The following PRRX1 variants were observed in gnomAD, a reference collection of about 807,000 sequenced individuals.
PRRX1 encodes the protein paired mesoderm homeobox protein 1.
In PRRX1, 8 loss-of-function variants were observed where a neutral mutation model predicts 24.0. The ratio of observed to expected loss-of-function variants is 0.33; its 90% CI spans 0.20 to 0.60. PRRX1 has a LOEUF of 0.60. PRRX1 is among the 20% of genes least tolerant of loss of function. The pLI, the probability that PRRX1 is intolerant of heterozygous loss-of-function variation, is 0.82. For missense variants in PRRX1, 281 were observed against 322.4 expected, an observed-to-expected ratio of 0.87 and a Z score of 0.98; for synonymous variants, 160 against 131.7, an observed-to-expected ratio of 1.22 and a Z score of -1.47.
chr1:170,727,432 A>G (rs1199272355), intron 3 of PRRX1: 1 of 152,156 alleles, frequency 6.6e-6, no homozygotes, highest in African/African-American at 2.4e-5. Flanking sequence ...TCAAAAATTC[A>G]TTTATTATGC....
At chr1:170,714,001 C>A (rs540718440) in intron 1 of PRRX1, among the ~76,000 whole-genome samples, 1 of 152,304 alleles carries the variant, frequency 6.6e-6, no homozygotes, top group African/African-American at 2.4e-5. Flanking sequence ...GCTGTTGAGA[C>A]GATGTGTGTG....
At chr1:170,721,798 G>A (rs745532983) in intron 2 of PRRX1, among the ~76,000 whole-genome samples, 1 of 152,066 alleles carries the variant, frequency 6.6e-6, no homozygotes, top group African/African-American at 2.4e-5. Context: ...CTCTAACTCT[G>A]CTGTTAAATC....
chr1:170,711,776 A>T (rs1654761002), intron 1 of PRRX1, among the ~76,000 whole-genome samples: 1 of 152,164 alleles, frequency 6.6e-6, no homozygotes, highest in South Asian at 2.1e-4. Flanking sequence ...TCTGTTTGTA[A>T]TCCTAGTCAA....
chr1:170,683,611 T>G (rs1480623271), intron 1 of PRRX1, among the ~76,000 whole-genome samples: 2 of 152,128 alleles, frequency 1.3e-5, no homozygotes, highest in Admixed American at 6.6e-5. Context: ...TAGGAGCAAT[T>G]TATTTTGATT....
At chr1:170,684,780 A>C (rs1653674984) in intron 1 of PRRX1, among the ~76,000 whole-genome samples, 1 of 152,204 alleles carries the variant, frequency 6.6e-6, no homozygotes, top group African/African-American at 2.4e-5. Context: ...TTTGGAACTC[A>C]GATACTTTAA....
chr1:170,730,199 T>C, intron 3 of PRRX1: 1 of 1,225,734 alleles, frequency 8.2e-7, no homozygotes, highest in South Asian at 1.2e-5. Context: ...CTCCCCTCAT[T>C]TGATCGTGGT....
intron 1 of PRRX1, among the ~76,000 whole-genome samples, chr1:170,670,639 TTTAAGA>T (rs1257500265): frequency 2.0e-5 from 3 of 152,148 alleles, no homozygotes; most frequent in Non-Finnish European, 4.4e-5. Context: ...GATTTTTAAC[TTTAAGA>T]TTAAAAAAAT....
chr1:170,666,527 T>C (rs1372669241), intron 1 of PRRX1, among the ~76,000 whole-genome samples: 1 of 151,716 alleles, frequency 6.6e-6, no homozygotes, highest in Non-Finnish European at 1.5e-5. Flanking sequence ...GACTTATTAA[T>C]TGCAACATTT....
upstream of PRRX1, chr1:170,662,841 G>A (rs925199055): frequency 1.8e-4 from 27 of 151,892 alleles, no homozygotes; most frequent in African/African-American, 6.5e-4. Flanking sequence ...ATCAAAACAT[G>A]CAAATGAGAT....
At chr1:170,733,937 C>T (rs914738159) in intron 3 of PRRX1, among the ~76,000 whole-genome samples, 4 of 151,942 alleles carry the variant, frequency 2.6e-5, no homozygotes, top group African/African-American at 9.7e-5. Context: ...CAAACTTGTC[C>T]CACTTTAGTG....
chr1:170,690,317 A>G (rs79517045), intron 1 of PRRX1, among the ~76,000 whole-genome samples: 45 of 152,272 alleles, frequency 3.0e-4, no homozygotes, highest in African/African-American at 1.1e-3. Context: ...AAGGCAGGAT[A>G]TAGAAGGGTC....
At chr1:170,692,250 T>C (rs1654012516) in intron 1 of PRRX1, among the ~76,000 whole-genome samples, 3 of 152,024 alleles carry the variant, frequency 2.0e-5, no homozygotes, top group Admixed American at 2.0e-4. Flanking sequence ...GGAAGCCCTT[T>C]CTAATAACTG....
chr1:170,714,706 G>A (rs1357796061), intron 1 of PRRX1, among the ~76,000 whole-genome samples: 1 of 152,116 alleles, frequency 6.6e-6, no homozygotes, highest in Non-Finnish European at 1.5e-5. Context: ...TAGTGAATAG[G>A]GATCACCACA....
chr1:170,691,886 T>C (rs1438529384), intron 1 of PRRX1, among the ~76,000 whole-genome samples: 1 of 152,114 alleles, frequency 6.6e-6, no homozygotes, highest in Non-Finnish European at 1.5e-5. Flanking sequence ...CTATGGGGCC[T>C]TCTGTTAGGG....
At chr1:170,714,397 G>T (rs1388280029) in intron 1 of PRRX1, among the ~76,000 whole-genome samples, 1 of 152,146 alleles carries the variant, frequency 6.6e-6, no homozygotes, top group Non-Finnish European at 1.5e-5. Context: ...AGATCCGCTT[G>T]CCTGCCATGC....
At chr1:170,703,351 C>T (rs1014098033) in intron 1 of PRRX1, among the ~76,000 whole-genome samples, 1 of 151,844 alleles carries the variant, frequency 6.6e-6, no homozygotes, top group Non-Finnish European at 1.5e-5. Context: ...GCCTTGGTCT[C>T]CTCATCTGCA....
At chr1:170,707,074 T>C (rs1253476590) in intron 1 of PRRX1, among the ~76,000 whole-genome samples, 2 of 151,470 alleles carry the variant, frequency 1.3e-5, no homozygotes, top group Non-Finnish European at 2.9e-5. Flanking sequence ...GAGTGAGCTG[T>C]GATTATGCCA....
At chr1:170,708,473 G>A (rs1409290073) in intron 1 of PRRX1, among the ~76,000 whole-genome samples, 1 of 152,138 alleles carries the variant, frequency 6.6e-6, no homozygotes, top group African/African-American at 2.4e-5. Context: ...GAATTAGCCA[G>A]GCTTTTGCCC....
intron 1 of PRRX1, among the ~76,000 whole-genome samples, chr1:170,698,557 AT>A (rs575570723): frequency 6.6e-6 from 1 of 151,848 alleles, no homozygotes. Context: ...AAAATAGACT[AT>A]TTTTTTTCCT....
Sources: allele counts gnomAD v4.1 joint callset (sites outside exome capture counted in the v4.1 genomes callset), GRCh38; gene constraint gnomAD v4.1.1; transcripts MANE v1.5; gene names NCBI Gene and HGNC (gene_info 2026-07-23, HGNC 2026-07-21).